The following HS3ST2 variants were observed in gnomAD, a reference collection of about 807,000 sequenced individuals.
HS3ST2 encodes heparan sulfate-glucosamine 3-sulfotransferase 2.
A neutral mutation model predicts 26.3 loss-of-function variants in HS3ST2; 17 were observed. The ratio of observed to expected loss-of-function variants is 0.65; its 90% CI spans 0.44 to 0.97. The LOEUF (loss-of-function observed/expected upper bound fraction) is 0.97. HS3ST2 is among the 50% of genes least tolerant of loss of function. The pLI, the probability that HS3ST2 is intolerant of heterozygous loss-of-function variation, is 0.00. For synonymous variants in HS3ST2, 237 were observed against 219.2 expected (o/e 1.08, Z -0.72); for missense variants, 402 against 501.2 (o/e 0.80, Z 1.89).
intron 1 of HS3ST2, among the ~76,000 whole-genome samples, chr16:22,841,255 G>A (rs555958095): frequency 2.4e-4 from 37 of 152,192 alleles, no homozygotes; most frequent in East Asian, 7.7e-4. Flanking sequence ...TAGAGACAGC[G>A]TTTCACTATG....
At position 22,879,880 on chromosome 16, in the gene HS3ST2, A is replaced by C. The variant is rs117728483; in HGVS notation, c.486-35064A>C. Among the ~76,000 whole-genome samples, 550 of 152,244 alleles carry C rather than the reference A, an allele frequency of 3.6e-3. 16 individuals are homozygous for C. Among genetic ancestry groups the C allele is most frequent in the East Asian group, 0.031 (161 of 5,180 alleles). Reference sequence around the variant, plus strand: ...CATCAAAGCATGGGGATTTTTCATGACCATGAACCCCAGACTGGACACAGG... The same window carrying C: ...CATCAAAGCATGGGGATTTTTCATGCCCATGAACCCCAGACTGGACACAGG... On this transcript the variant is annotated intron_variant, in intron 1 of 1. Coordinates refer to ENST00000261374, the MANE Select transcript of HS3ST2 (RefSeq NM_006043.2).
intron 1 of HS3ST2, among the ~76,000 whole-genome samples, chr16:22,837,919 T>G (rs1901291891): frequency 6.6e-6 from 1 of 152,122 alleles, no homozygotes; most frequent in Non-Finnish European, 1.5e-5. Flanking sequence ...TCTTTTCAAT[T>G]CTCTGCATAT....
In HS3ST2 at chr16:22,915,893, T is replaced by C. The variant is rs1054028; in HGVS notation, c.*331T>C. 0.15 allele frequency: 42,242 copies of C among 277,438 alleles called. 4,062 individuals carry two copies. The highest frequency in any genetic ancestry group is 0.28 in the African/African-American group (12,823 of 45,258). The allele number at this position is 277,438 out of a possible 1,614,324, so 17.2% of individuals were successfully genotyped here. A position where few individuals can be genotyped will look rare whatever the true frequency, so the allele number is the denominator to read the frequency against. ...CAATGATGATAGATATTATAAGCGA[T>C]GATGGTTCTGTTGCTATGAACACAG... is the stretch of plus-strand genomic sequence containing the variant. On this transcript the variant is annotated 3_prime_UTR_variant, in exon 2 of 2. Transcript: ENST00000261374.
chr16:22,850,659 C>A (rs1241555296), intron 1 of HS3ST2, among the ~76,000 whole-genome samples: 1 of 152,088 alleles, frequency 6.6e-6, no homozygotes, highest in African/African-American at 2.4e-5. Context: ...TGGTGGAGCT[C>A]ACCTGTAATC....
intron 1 of HS3ST2, among the ~76,000 whole-genome samples, chr16:22,913,123 A>AAGGAAGGAAGGAAGG (rs1902443963): frequency 1.1e-5 from 1 of 94,118 alleles, no homozygotes; most frequent in African/African-American, 4.0e-5. Flanking sequence ...GAGAAGAAAG[A>AAGGAAGGAAGGAAGG]AAGGAAGGAA....
At chr16:22,823,117 C>G (rs1307391232) in intron 1 of HS3ST2, among the ~76,000 whole-genome samples, 5 of 152,122 alleles carry the variant, frequency 3.3e-5, no homozygotes. Context: ...TGAAGCCACC[C>G]TAAATGGAAA....
At chr16:22,872,063 A>G (rs1042265005) in intron 1 of HS3ST2, among the ~76,000 whole-genome samples, 1 of 152,154 alleles carries the variant, frequency 6.6e-6, no homozygotes, top group African/African-American at 2.4e-5. Flanking sequence ...TACTTTAGAT[A>G]CCCAACGAGC....
At chr16:22,832,832 G>A (rs887221413) in intron 1 of HS3ST2, among the ~76,000 whole-genome samples, 3 of 151,708 alleles carry the variant, frequency 2.0e-5, no homozygotes, top group Non-Finnish European at 4.4e-5. Flanking sequence ...TGACAGCACC[G>A]ATGACCTCCT....
At chr16:22,848,993 T>C (rs997628234) in intron 1 of HS3ST2, among the ~76,000 whole-genome samples, 1 of 152,208 alleles carries the variant, frequency 6.6e-6, no homozygotes, top group African/African-American at 2.4e-5. Context: ...TTTAGAACAT[T>C]TAAAAATCCA....
At chr16:22,831,170 T>C (rs1304438567) in intron 1 of HS3ST2, among the ~76,000 whole-genome samples, 1 of 152,366 alleles carries the variant, frequency 6.6e-6, no homozygotes, top group East Asian at 1.9e-4. Context: ...GGAAAGATAA[T>C]TATCTTCTAA....
At chr16:22,828,063 G>A (rs1203783010) in intron 1 of HS3ST2, among the ~76,000 whole-genome samples, 1 of 152,042 alleles carries the variant, frequency 6.6e-6, no homozygotes, top group Non-Finnish European at 1.5e-5. Context: ...GTGACAGGCT[G>A]GAGTCTGAAC....
rs187957418 is a variant in HS3ST2, at chr16:22,886,627, A to G, written c.486-28317A>G. ...TGACATAATTATTTTTCTACCACCT[A>G]GAGAGTGACCTCTGTTTCATAGATT... On this transcript the variant is annotated intron_variant, in intron 1 of 1. Transcript: ENST00000261374. Among the ~76,000 whole-genome samples the G allele has an allele frequency of 1.4e-3, 206 of 152,326 alleles. 1 individual carries two copies. Among genetic ancestry groups the G allele is most frequent in the African/African-American group, 4.8e-3 (201 of 41,572 alleles).
At chr16:22,884,077 C>A (rs151298442) in intron 1 of HS3ST2, among the ~76,000 whole-genome samples, 104 of 152,318 alleles carry the variant, frequency 6.8e-4, no homozygotes, top group African/African-American at 2.5e-3. Context: ...AAGGGAAAGA[C>A]CCAGGGTCAA....
intron 1 of HS3ST2, among the ~76,000 whole-genome samples, chr16:22,913,269 C>T (rs1443771226): frequency 6.6e-6 from 1 of 151,914 alleles, no homozygotes; most frequent in Non-Finnish European, 1.5e-5. Context: ...CTATGACCTT[C>T]ATCAAGAAGT....
At chr16:22,914,916 T>G in intron 1 of HS3ST2, 28 bp from the exon 2 acceptor site, 1 of 1,583,260 alleles carries the variant, frequency 6.3e-7, no homozygotes, top group Non-Finnish European at 8.6e-7. Context: ...GAAACCTATT[T>G]GATGATGTAT....
chr16:22,854,217 T>C (rs1164916815), intron 1 of HS3ST2, among the ~76,000 whole-genome samples: 1 of 152,204 alleles, frequency 6.6e-6, no homozygotes, highest in Non-Finnish European at 1.5e-5. Flanking sequence ...CTTTGATGTC[T>C]ACTGTTAACA....
chr16:22,855,696 G>GTCTCTCTGTCTCTC (rs1555512843), intron 1 of HS3ST2, among the ~76,000 whole-genome samples: 2 of 142,940 alleles, frequency 1.4e-5, no homozygotes, highest in Non-Finnish European at 3.0e-5. Flanking sequence ...CTGTCTCTCT[G>GTCTCTCTGTCTCTC]TCTCTCTCTC....
At chr16:22,828,265 G>T (rs1901119409) in intron 1 of HS3ST2, among the ~76,000 whole-genome samples, 1 of 152,064 alleles carries the variant, frequency 6.6e-6, no homozygotes, top group Non-Finnish European at 1.5e-5. Flanking sequence ...GAGTTCTTAG[G>T]TAACCTCTTG....
At chr16:22,866,043 AC>A (rs1901744930) in intron 1 of HS3ST2, among the ~76,000 whole-genome samples, 1 of 152,216 alleles carries the variant, frequency 6.6e-6, no homozygotes, top group South Asian at 2.1e-4. Flanking sequence ...GTAATCAAGA[AC>A]AATTACCTGA....
Sources: gnomAD v4.1 joint callset for allele counts (sites outside exome capture counted in the v4.1 genomes callset) on GRCh38, gnomAD v4.1.1 for gene constraint, MANE v1.5 for transcripts, NCBI Gene and HGNC (gene_info 2026-07-23, HGNC 2026-07-21) for gene names.